KMO: variants seen among roughly 807,000 people sequenced by gnomAD.
KMO encodes the protein kynurenine 3-hydroxylase.
Under a neutral mutation model 57.8 loss-of-function variants are expected in KMO, and 24 were observed. That is an observed-to-expected ratio of 0.42 (90% CI 0.30 to 0.58). The LOEUF is 0.58. Ranked by LOEUF, KMO falls within the 20% of genes least tolerant of loss-of-function variation. The probability of loss-of-function intolerance (pLI) is 0.22; values close to 1 mark genes in which losing one functional copy is unlikely to be tolerated. For synonymous variants in KMO, 210 were observed against 193.6 expected (o/e 1.08, Z -0.70); for missense variants, 483 against 588.2 (o/e 0.82, Z 1.85).
In KMO at chr1:241,594,871, T is replaced by C. The variant is rs1356595937; in HGVS notation, c.*2718T>C. The stretch of plus-strand genomic sequence containing the variant: ...AATCACCCCAGAGCTTTATGTCTTT[T>C]ATTCATTCTAATTCTTATTAACCGG... On this transcript the variant is annotated 3_prime_UTR_variant, in exon 15 of 15. Transcript: ENST00000366559. 6.3e-6 allele frequency: 4 copies of C among 631,000 alleles called. No homozygotes were observed. In the East Asian group the frequency reaches 1.1e-4, roughly 18 times the overall value. The allele number at this position is 631,000 out of a possible 1,614,324, so 39.1% of individuals were successfully genotyped here. A position where few individuals can be genotyped will look rare whatever the true frequency, so the allele number is the denominator to read the frequency against.
intron 2 of KMO, 116 bp downstream of exon 2, chr1:241,549,014 C>A: frequency 1.5e-6 from 1 of 655,122 alleles, no homozygotes; most frequent in South Asian, 1.6e-5. Flanking sequence ...GCCTGGGCAA[C>A]ATGGCAAAAC....
At chr1:241,574,193 A>G (rs1662414816) in intron 10 of KMO, among the ~76,000 whole-genome samples, 1 of 152,154 alleles carries the variant, frequency 6.6e-6, no homozygotes, top group Non-Finnish European at 1.5e-5. Flanking sequence ...TTTTCTAAGT[A>G]TACAAACATA....
chr1:241,549,214 A>AAAAGG (rs1661280296), intron 2 of KMO, among the ~76,000 whole-genome samples: 1 of 6,062 alleles, frequency 1.6e-4, no homozygotes, highest in African/African-American at 2.8e-4. Context: ...AGAAAGAAAG[A>AAAAGG]AAGAAAGAAA....
intron 10 of KMO, among the ~76,000 whole-genome samples, chr1:241,572,815 C>A (rs1278672310): frequency 2.0e-5 from 3 of 152,022 alleles, no homozygotes; most frequent in African/African-American, 7.3e-5. Context: ...TTCTGAGTCA[C>A]CAAAGCCCAT....
At chr1:241,552,716 G>C (rs886661863) in intron 4 of KMO, among the ~76,000 whole-genome samples, 16 of 152,184 alleles carry the variant, frequency 1.1e-4, no homozygotes, top group African/African-American at 3.9e-4. Context: ...GATGGCACGG[G>C]CGATAATTTA....
chr1:241,549,688 G>A lies in KMO; in HGVS notation c.136G>A (p.Ala46Thr), dbSNP rs1389098622. The A allele has an allele frequency of 5.0e-6, 8 of 1,611,638 alleles. No individual in the cohort carries two copies. The highest frequency in any genetic ancestry group is 5.9e-6 in the Non-Finnish European group (7 of 1,178,094). ...VYEAREDTRV[A>T]TFTRGRSINL... ...TTCCAATGTCTCAGATACTCGAGTG[G>A]CTACCTTCACACGTGGAAGAAGCAT... is the stretch of plus-strand genomic sequence containing the variant. Residue 46 changes from alanine (A) to threonine (T), a missense_variant, in exon 3 of 15, where the codon GCT (alanine) becomes ACT (threonine). Physicochemically the swap from Ala to Thr is moderately conservative, Grantham distance 58 (BLOSUM62 0). This residue lies in a region of KMO where 70 missense variants were observed against 78.4 expected (regional missense o/e 0.89). Transcript: ENST00000366559.
intron 4 of KMO, among the ~76,000 whole-genome samples, chr1:241,554,981 CAAAA>C (rs111385894): frequency 7.3e-6 from 1 of 136,864 alleles, no homozygotes. Context: ...GACTCTGTTT[CAAAA>C]AAAAAAAAAA....
At position 241,548,871 on chromosome 1, in the gene KMO, C is replaced by T. The variant is rs1661256808; in HGVS notation, c.97C>T (p.Gln33Ter). ...QACFLAKRNFQIDVYEAREDT... is the reference protein window; with the variant it reads ...QACFLAKRNF ...ATGCTTTCTTGCAAAGAGGAATTTC[C>T]AGATTGATGTATATGAAGCTAGGGA... The change falls in exon 2 of 15, where the codon CAG becomes TAG. Residue 33 changes from glutamine (Q) to a stop codon, truncating the protein, a stop_gained. Transcript: ENST00000366559. LOFTEE classifies it high-confidence loss of function. The T allele has an allele frequency of 1.9e-6, 3 of 1,607,336 alleles. No individual in the cohort carries two copies. The highest frequency in any genetic ancestry group is 2.6e-6 in the Non-Finnish European group (3 of 1,174,672).
At position 241,592,795 on chromosome 1, in the gene KMO, T is replaced by TATCTATC. The variant is rs1338610927; in HGVS notation, c.*646_*647insATCATCT. 1.3e-5 allele frequency: 2 copies of TATCTATC among 154,488 alleles called. No homozygotes were observed. The highest frequency in any genetic ancestry group is 4.0e-4 in the South Asian group (2 of 4,988). 9.6% of individuals were successfully genotyped at this position (154,488 alleles called of 1,614,324 possible). ...CTATCTATCTATCTATCTATCTATC[T>TATCTATC]ATCTCTATTTATTTATGTATTTAGA... On this transcript the variant is annotated 3_prime_UTR_variant, in exon 15 of 15. Coordinates refer to ENST00000366559, the MANE Select transcript of KMO (RefSeq NM_003679.5).
chr1:241,532,434 C>T lies in KMO; in HGVS notation c.-11C>T. Reference sequence around the variant, plus strand: ...GAAGCAACAATAATTGTGAAAAATACTTCAGCAGTTATGGACTCATCTGTC... The same window carrying T: ...GAAGCAACAATAATTGTGAAAAATATTTCAGCAGTTATGGACTCATCTGTC... On this transcript the variant is annotated 5_prime_UTR_variant, in exon 1 of 15. Transcript: ENST00000366559. The T allele has an allele frequency of 6.2e-7, 1 of 1,612,216 alleles. No individual in the cohort carries two copies. The highest frequency in any genetic ancestry group is 8.5e-7 in the Non-Finnish European group (1 of 1,179,286).
At position 241,563,163 on chromosome 1, in the gene KMO, T is replaced by G. The variant is rs535298216; in HGVS notation, c.615+831T>G. On this transcript the variant is annotated intron_variant, in intron 7 of 14. Transcript: ENST00000366559. ...GAAAATTGTTGTAAAGTGATTTCTA[T>G]TGTGTTTTTCTCATTTCCTGGTTAA... 2.0e-5 allele frequency among the ~76,000 whole-genome samples: 3 copies of G among 152,322 alleles called. 1 individual carries two copies. The South Asian group carries it at 6.2e-4, about 32-fold the overall frequency.
chr1:241,585,933 AGT>A (rs1448958475), intron 10 of KMO, among the ~76,000 whole-genome samples: 1 of 151,948 alleles, frequency 6.6e-6, no homozygotes, highest in Non-Finnish European at 1.5e-5. Flanking sequence ...TTTAATCTTG[AGT>A]TATAGGAACT....
intron 6 of KMO, among the ~76,000 whole-genome samples, chr1:241,561,159 G>C (rs1427783520): frequency 6.6e-6 from 1 of 152,030 alleles, no homozygotes; most frequent in Non-Finnish European, 1.5e-5. Context: ...ATATGCTATG[G>C]ATCCACGCTC....
At chr1:241,554,484 G>A (rs530533445) in intron 4 of KMO, among the ~76,000 whole-genome samples, 3 of 151,954 alleles carry the variant, frequency 2.0e-5, no homozygotes, top group Non-Finnish European at 4.4e-5. Flanking sequence ...ATGTTGGCCA[G>A]GCTGGTCTTA....
At chr1:241,541,325 G>A (rs1660950954) in intron 1 of KMO, among the ~76,000 whole-genome samples, 1 of 152,124 alleles carries the variant, frequency 6.6e-6, no homozygotes, top group Non-Finnish European at 1.5e-5. Flanking sequence ...ACCCTGGTTG[G>A]GTGAATTAGT....
intron 12 of KMO, 125 bp from the exon 13 acceptor site, chr1:241,589,887 C>T: frequency 2.6e-6 from 2 of 777,832 alleles, no homozygotes; most frequent in South Asian, 3.4e-5. Flanking sequence ...ATTATGGAAA[C>T]AAAAAATTAT....
chr1:241,583,092 T>G (rs1341932203), intron 10 of KMO, among the ~76,000 whole-genome samples: 1 of 152,178 alleles, frequency 6.6e-6, no homozygotes, highest in Non-Finnish European at 1.5e-5. Flanking sequence ...GAGAATTCCT[T>G]GGGTTACTAG....
intron 5 of KMO, among the ~76,000 whole-genome samples, chr1:241,557,543 A>G (rs892695852): frequency 2.6e-5 from 4 of 152,224 alleles, no homozygotes; most frequent in African/African-American, 9.6e-5. Flanking sequence ...CACCAGATAC[A>G]AGAAAGAGGG....
At chr1:241,586,819 AAACC>A in intron 11 of KMO, 83 bp downstream of exon 11, 19 of 957,530 alleles carry the variant, frequency 2.0e-5, no homozygotes, top group Non-Finnish European at 2.9e-5. Flanking sequence ...CAATGATCAC[AAACC>A]TGTGATGTAT....
Sources: gnomAD v4.1 joint callset for allele counts (sites outside exome capture counted in the v4.1 genomes callset) on GRCh38, gnomAD v4.1.1 for gene constraint, gnomAD v4.1.1 regional missense constraint, MANE v1.5 for transcripts, NCBI Gene and HGNC (gene_info 2026-07-23, HGNC 2026-07-21) for gene names.